STRN: variants seen among roughly 807,000 people sequenced by gnomAD.
The protein encoded by STRN is protein phosphatase 2 regulatory subunit B'''alpha.
In STRN, 53 loss-of-function variants were observed where a neutral mutation model predicts 96.3. That is an observed-to-expected ratio of 0.55 (90% CI 0.44 to 0.69). The LOEUF is 0.69. Among genes scored for constraint, STRN ranks in the 30% least tolerant of loss-of-function variants. The pLI is 0.00. For missense variants in STRN, 987 were observed against 963.9 expected (o/e 1.02, Z -0.32); for synonymous variants, 428 against 355.9 (o/e 1.20, Z -2.28).
chr2:36,900,236 T>C (rs1419379287), intron 5 of STRN, among the ~76,000 whole-genome samples: 1 of 152,144 alleles, frequency 6.6e-6, no homozygotes, highest in Non-Finnish European at 1.5e-5. Flanking sequence ...CCCTTCCTGA[T>C]TTATTATTAT....
At chr2:36,945,391 G>A (rs1233090622) in intron 1 of STRN, among the ~76,000 whole-genome samples, 3 of 152,218 alleles carry the variant, frequency 2.0e-5, no homozygotes, top group Non-Finnish European at 4.4e-5. Context: ...GCAGAGGTCA[G>A]GCATGGTGGC....
chr2:36,880,466 G>A (rs1669041131), intron 9 of STRN, among the ~76,000 whole-genome samples: 1 of 152,122 alleles, frequency 6.6e-6, no homozygotes. Context: ...ATAGTTACTT[G>A]CTTTTAAAAA....
At chr2:36,855,379 T>C (rs762887630) in intron 14 of STRN, 27 bp from the exon 15 acceptor site, 16 of 1,607,798 alleles carry the variant, frequency 1.0e-5, no homozygotes, top group Middle Eastern at 1.6e-4. Context: ...TGAAATAGAA[T>C]GGCAATTAAA....
chr2:36,957,744 CTTTTTTTTTTTTTTTTT>C (rs1159531782), intron 1 of STRN, among the ~76,000 whole-genome samples: 3 of 89,208 alleles, frequency 3.4e-5, no homozygotes, highest in African/African-American at 4.5e-5. Context: ...TTCTTTTTGT[CTTTTTTTTTTTTTTTTT>C]TTTTTTTTTT....
Position 36,847,870 on chromosome 2 carries a change from T to C in STRN, c.*1586A>G, listed in dbSNP as rs1861435. 7 of 151,978 alleles carry C rather than the reference T, an allele frequency of 4.6e-5. No homozygotes were observed. Among genetic ancestry groups the C allele is most frequent in the African/African-American group, 1.7e-4 (7 of 41,392 alleles). 9.4% of individuals were successfully genotyped at this position (151,978 alleles called of 1,614,324 possible). A position where few individuals can be genotyped will look rare whatever the true frequency, so the allele number is the denominator to read the frequency against. On this transcript the variant is annotated 3_prime_UTR_variant, in exon 18 of 18. Transcript: ENST00000263918. ...TGTGGGGAATGGAATATGTAGAAAT[T>C]GTTTTAATTGGTTAAAATATCTATA...
chr2:36,930,056 G>C (rs568311734), intron 1 of STRN, among the ~76,000 whole-genome samples: 1 of 152,046 alleles, frequency 6.6e-6, no homozygotes, highest in Non-Finnish European at 1.5e-5. Context: ...GAAAAGCTTT[G>C]GATTATATTA....
At chr2:36,877,748 C>G in intron 10 of STRN, 143 bp downstream of exon 10, 3 of 785,264 alleles carry the variant, frequency 3.8e-6, no homozygotes, top group Admixed American at 2.9e-5. Flanking sequence ...GTTGGCCAGG[C>G]TGGTTTTGAA....
At chr2:36,927,655 T>C (rs549010679) in intron 1 of STRN, among the ~76,000 whole-genome samples, 12 of 151,432 alleles carry the variant, frequency 7.9e-5, no homozygotes, top group African/African-American at 2.7e-4. Context: ...TACCAAGACA[T>C]CTCATAAAAA....
At chr2:36,957,406 G>A (rs1029942186) in intron 1 of STRN, among the ~76,000 whole-genome samples, 3 of 152,102 alleles carry the variant, frequency 2.0e-5, no homozygotes, top group Admixed American at 6.5e-5. Context: ...TGGCCAACAT[G>A]GCAAAACCTC....
chr2:36,882,505 G>A (rs1048771340), intron 9 of STRN, among the ~76,000 whole-genome samples: 13 of 152,146 alleles, frequency 8.5e-5, no homozygotes, highest in Non-Finnish European at 4.4e-5. Flanking sequence ...AGTGGCTCAT[G>A]CCTGTAATCC....
intron 1 of STRN, among the ~76,000 whole-genome samples, chr2:36,941,744 G>A (rs1017470294): frequency 7.1e-6 from 1 of 140,714 alleles, no homozygotes; most frequent in Admixed American, 6.8e-5. Context: ...AGTGGAGACG[G>A]GTTTCACCAT....
At chr2:36,853,875 T>C (rs1668279227) in intron 15 of STRN, among the ~76,000 whole-genome samples, 3 of 152,186 alleles carry the variant, frequency 2.0e-5, no homozygotes, top group African/African-American at 7.2e-5. Flanking sequence ...AAAACATAAT[T>C]TAGAAAATGT....
intron 15 of STRN, among the ~76,000 whole-genome samples, chr2:36,851,879 T>A (rs1295631983): frequency 1.3e-5 from 2 of 152,176 alleles, no homozygotes; most frequent in Non-Finnish European, 2.9e-5. Flanking sequence ...TTCCTCATCA[T>A]AATAGAAATG....
At chr2:36,921,260 T>C (rs1194792277) in intron 2 of STRN, among the ~76,000 whole-genome samples, 9 of 151,984 alleles carry the variant, frequency 5.9e-5, no homozygotes, top group East Asian at 5.8e-4. Flanking sequence ...TTACTTGGAG[T>C]CTACTTAGCA....
At chr2:36,909,617 T>C (rs57747847) in intron 3 of STRN, among the ~76,000 whole-genome samples, 86,542 of 151,730 alleles carry the variant, frequency 0.57, 25,725 homozygotes, top group African/African-American at 0.74. Flanking sequence ...AAAACAGTAT[T>C]TGAAGAAATA....
intron 1 of STRN, among the ~76,000 whole-genome samples, chr2:36,955,650 G>A (rs756179251): frequency 5.9e-4 from 89 of 151,830 alleles, no homozygotes; most frequent in African/African-American, 2.0e-3. Flanking sequence ...AATCTGCCTC[G>A]ATTACTACGT....
At chr2:36,919,014 AAAG>A (rs1256334727) in intron 2 of STRN, among the ~76,000 whole-genome samples, 1 of 152,230 alleles carries the variant, frequency 6.6e-6, no homozygotes, top group Non-Finnish European at 1.5e-5. Context: ...ATAATACACT[AAAG>A]AAGAGTAATT....
chr2:36,850,782 C>T (rs181608040), intron 16 of STRN, among the ~76,000 whole-genome samples: 20 of 152,176 alleles, frequency 1.3e-4, no homozygotes, highest in Non-Finnish European at 2.5e-4. Flanking sequence ...ATAGCATCTG[C>T]TCACTATTAA....
At chr2:36,908,852 G>A (rs942784836) in intron 3 of STRN, among the ~76,000 whole-genome samples, 1 of 152,032 alleles carries the variant, frequency 6.6e-6, no homozygotes, top group East Asian at 1.9e-4. Flanking sequence ...GCGGTGGCTC[G>A]TGCCTGTAAT....
Sources: allele counts gnomAD v4.1 joint callset (sites outside exome capture counted in the v4.1 genomes callset), GRCh38; gene constraint gnomAD v4.1.1; transcripts MANE v1.5; gene names NCBI Gene and HGNC (gene_info 2026-07-23, HGNC 2026-07-21).